ZNF385D: variants seen among roughly 807,000 people sequenced by gnomAD.
ZNF385D encodes zinc finger protein 659.
ZNF385D carries 15 observed loss-of-function variants against 35.8 expected under a neutral mutation model. The observed-to-expected ratio is 0.42, with a 90% confidence interval of 0.28 to 0.64. The LOEUF (loss-of-function observed/expected upper bound fraction) is 0.64. Ranked by LOEUF, ZNF385D falls within the 30% of genes least tolerant of loss-of-function variation. ZNF385D has a pLI of 0.23. For missense variants in ZNF385D, 474 were observed against 494.6 expected, an observed-to-expected ratio of 0.96 and a Z score of 0.39; for synonymous variants, 212 against 186.8, an observed-to-expected ratio of 1.13 and a Z score of -1.10.
At chr3:21,862,547 T>G (rs1697113574) in intron 3 of ZNF385D, among the ~76,000 whole-genome samples, 2 of 152,116 alleles carry the variant, frequency 1.3e-5, no homozygotes, top group African/African-American at 2.4e-5. Context: ...CATTGCCAAC[T>G]TGTGGCACAT....
At chr3:21,749,636 G>T (rs766924524) in intron 1 of ZNF385D, among the ~76,000 whole-genome samples, 1 of 152,072 alleles carries the variant, frequency 6.6e-6, no homozygotes, top group Non-Finnish European at 1.5e-5. Flanking sequence ...CTTAAATTTG[G>T]CAATGCAATG....
At chr3:21,514,140 A>G (rs746984719) in intron 3 of ZNF385D, among the ~76,000 whole-genome samples, 30 of 152,272 alleles carry the variant, frequency 2.0e-4, no homozygotes, top group African/African-American at 7.2e-4. Flanking sequence ...GGACAGTTAT[A>G]CCATATACTA....
rs1491098190 is a variant in ZNF385D at position 21,566,611 on chromosome 3, ACT to A, written c.166-1929_166-1928del. Among the ~76,000 whole-genome samples the A allele has an allele frequency of 4.6e-5, 7 of 152,074 alleles. 1 individual carries two copies. The highest frequency in any genetic ancestry group is 1.9e-4 in the East Asian group (1 of 5,170). ...ATTCCAGCGTGGGTGACAGAGTGAG[ACT>A]CTGTCTCAAAAAACAAATTATAGGA... On this transcript the variant is annotated intron_variant, in intron 2 of 7. Coordinates refer to ENST00000281523, the MANE Select transcript of ZNF385D (RefSeq NM_024697.3).
intron 3 of ZNF385D, among the ~76,000 whole-genome samples, chr3:21,894,236 A>G (rs1699020010): frequency 6.6e-6 from 1 of 152,202 alleles, no homozygotes; most frequent in Non-Finnish European, 1.5e-5. Flanking sequence ...AAGTTAAACA[A>G]ATTGAGACCA....
At chr3:21,939,879 T>C (rs1054070148) in intron 3 of ZNF385D, among the ~76,000 whole-genome samples, 3 of 152,280 alleles carry the variant, frequency 2.0e-5, no homozygotes, top group East Asian at 3.9e-4. Context: ...CTTGTTCAGA[T>C]GGCACTGAGT....
chr3:22,251,062 G>T (rs1472023537), intron 2 of ZNF385D, among the ~76,000 whole-genome samples: 1 of 152,044 alleles, frequency 6.6e-6, no homozygotes, highest in Non-Finnish European at 1.5e-5. Context: ...CCTGAAAAAT[G>T]CACTAGACTA....
rs1239165583 is a variant in ZNF385D at position 21,703,673 on chromosome 3, A to T, written c.23-38645T>A. On this transcript the variant is annotated intron_variant, in intron 1 of 7. Coordinates refer to ENST00000281523, the MANE Select transcript of ZNF385D (RefSeq NM_024697.3). ...GCTCTTTATCCTCTTACAAAAAAAA[A>T]AAAATGGCATTCTCCTGTGTAAAGA... Among the ~76,000 whole-genome samples, 7 of 152,294 alleles carry T rather than the reference A, an allele frequency of 4.6e-5. No homozygotes were observed. In the East Asian group the frequency reaches 1.4e-3, roughly 29 times the overall value.
intron 3 of ZNF385D, among the ~76,000 whole-genome samples, chr3:22,080,438 A>G (rs1700689665): frequency 6.6e-6 from 1 of 152,114 alleles, no homozygotes; most frequent in Non-Finnish European, 1.5e-5. Flanking sequence ...TTTTCACCCC[A>G]TATTTTGATG....
At chr3:21,665,785 G>A (rs1028380631) in intron 1 of ZNF385D, among the ~76,000 whole-genome samples, 12 of 152,104 alleles carry the variant, frequency 7.9e-5, no homozygotes, top group Non-Finnish European at 1.3e-4. Flanking sequence ...CATTTGCCCC[G>A]TTATAGGACT....
intron 4 of ZNF385D, among the ~76,000 whole-genome samples, chr3:21,469,650 T>A (rs1011463906): frequency 4.5e-4 from 68 of 152,318 alleles, no homozygotes; most frequent in Middle Eastern, 3.4e-3. Flanking sequence ...CTCAAGTTCT[T>A]TTTTTAATAA....
intron 2 of ZNF385D, among the ~76,000 whole-genome samples, chr3:22,183,935 C>T (rs754680696): frequency 5.3e-5 from 8 of 151,538 alleles, no homozygotes; most frequent in Non-Finnish European, 1.2e-4. Context: ...AAGGAAGTTC[C>T]GTTTTTTATT....
chr3:21,547,624 T>TG (rs977589770), intron 3 of ZNF385D, among the ~76,000 whole-genome samples: 1 of 151,628 alleles, frequency 6.6e-6, no homozygotes, highest in African/African-American at 2.4e-5. Flanking sequence ...TGTTTTGTTT[T>TG]TTTTTTTTTG....
intron 3 of ZNF385D, among the ~76,000 whole-genome samples, chr3:21,982,770 T>C (rs1694551722): frequency 6.6e-6 from 1 of 152,114 alleles, no homozygotes; most frequent in South Asian, 2.1e-4. Context: ...CTATACCTAG[T>C]TTATTTAGAG....
rs574197347 is a variant in ZNF385D, at chr3:22,112,766, A to T, written c.325+56051T>A. Among the ~76,000 whole-genome samples the T allele has an allele frequency of 3.2e-4, 49 of 152,242 alleles. 1 individual carries two copies. The South Asian group carries it at 9.3e-3, about 29-fold the overall frequency. On this transcript the variant is annotated intron_variant, in intron 3 of 5. Transcript: ENST00000494108. ...AGGAAAGGCTAAAATCTTTGAATGGAATGTCAAGAAATACAAACTTCATTG... is the reference window on the plus strand; with the variant it reads ...AGGAAAGGCTAAAATCTTTGAATGGTATGTCAAGAAATACAAACTTCATTG...
intron 2 of ZNF385D, among the ~76,000 whole-genome samples, chr3:22,317,055 A>G (rs1703928175): frequency 6.6e-6 from 1 of 151,952 alleles, no homozygotes; most frequent in African/African-American, 2.4e-5. Context: ...AGGTGGGCGG[A>G]TTACCTGAGG....
At chr3:21,820,436 A>C (rs1265575401) in intron 3 of ZNF385D, among the ~76,000 whole-genome samples, 1 of 151,904 alleles carries the variant, frequency 6.6e-6, no homozygotes, top group African/African-American at 2.4e-5. Flanking sequence ...ACTTCATAGC[A>C]ATAGTTAAGG....
intron 2 of ZNF385D, among the ~76,000 whole-genome samples, chr3:22,206,369 C>T (rs1350670569): frequency 6.6e-6 from 1 of 151,916 alleles, no homozygotes; most frequent in Non-Finnish European, 1.5e-5. Flanking sequence ...TTGGACAGAT[C>T]ATCAAAACAA....
At chr3:22,338,168 G>A (rs553482198) in intron 2 of ZNF385D, among the ~76,000 whole-genome samples, 1 of 152,246 alleles carries the variant, frequency 6.6e-6, no homozygotes, top group African/African-American at 2.4e-5. Context: ...ATAGTAAAGA[G>A]ACCTGCAATA....
intron 3 of ZNF385D, among the ~76,000 whole-genome samples, chr3:21,989,812 A>C (rs1032699112): frequency 6.6e-6 from 1 of 152,194 alleles, no homozygotes; most frequent in African/African-American, 2.4e-5. Context: ...ATAACTTACT[A>C]TCTTTTTTGG....
Sources: allele counts gnomAD v4.1 joint callset (sites outside exome capture counted in the v4.1 genomes callset), GRCh38; gene constraint gnomAD v4.1.1; transcripts MANE v1.5; gene names NCBI Gene and HGNC (gene_info 2026-07-23, HGNC 2026-07-21).